The following COLGALT2 variants were observed in gnomAD, a reference collection of about 807,000 sequenced individuals.
COLGALT2 encodes the protein procollagen galactosyltransferase 2.
Under a neutral mutation model 73.4 loss-of-function variants are expected in COLGALT2, and 49 were observed. That is an observed-to-expected ratio of 0.67 (90% CI 0.53 to 0.85). COLGALT2 has a LOEUF of 0.85. Ranked by LOEUF, COLGALT2 falls within the 40% of genes least tolerant of loss-of-function variation. The pLI, the probability that COLGALT2 is intolerant of heterozygous loss-of-function variation, is 0.00. For missense variants in COLGALT2, 722 were observed against 790.2 expected (o/e 0.91, Z 1.03); for synonymous variants, 295 against 307.6 (o/e 0.96, Z 0.43).
intron 11 of COLGALT2, 120 bp downstream of exon 11, chr1:183,940,461 G>A (rs1287261739): frequency 1.1e-6 from 1 of 918,924 alleles, no homozygotes; most frequent in Non-Finnish European, 1.7e-6. Context: ...TCATAATTAT[G>A]AGAAGATCAT....
Position 183,976,274 on chromosome 1 carries a change from C to T in COLGALT2, c.375-1060G>A, listed in dbSNP as rs188037622. Among the ~76,000 whole-genome samples the T allele has an allele frequency of 1.2e-3, 184 of 151,804 alleles. 1 individual carries two copies. The highest frequency in any genetic ancestry group is 3.1e-3 in the African/African-American group (130 of 41,482). ...CTAAAGGAGTGTTTACAATCTTTTA[C>T]GGTGTTCAGACTTCACTGTTAAATT... On this transcript the variant is annotated intron_variant, in intron 2 of 11. Transcript: ENST00000361927.
intron 5 of COLGALT2, among the ~76,000 whole-genome samples, chr1:183,968,385 G>A (rs1343501718): frequency 6.6e-6 from 1 of 152,148 alleles, no homozygotes; most frequent in Admixed American, 6.5e-5. Context: ...TTTCCTTCCT[G>A]TTGACTTGTC....
intron 1 of COLGALT2, among the ~76,000 whole-genome samples, chr1:183,993,109 T>C (rs1671673687): frequency 6.6e-6 from 1 of 152,218 alleles, no homozygotes; most frequent in African/African-American, 2.4e-5. Context: ...ACATGTATTT[T>C]TCACCAGTAA....
intron 1 of COLGALT2, among the ~76,000 whole-genome samples, chr1:184,031,639 T>C (rs888590554): frequency 9.2e-5 from 14 of 152,352 alleles, no homozygotes; most frequent in African/African-American, 3.4e-4. Context: ...GGTCACATCC[T>C]GGCTCCACCA....
rs1280949111 is a variant in COLGALT2 at position 183,937,053 on chromosome 1, T to C, written c.*1708A>G. On this transcript the variant is annotated 3_prime_UTR_variant, in exon 12 of 12. Coordinates refer to ENST00000361927, the MANE Select transcript of COLGALT2 (RefSeq NM_015101.4). ...TGTTCAACCTTAATGTGGCAATCAGTATCACATGGGCAGTGAACTGAAGAA... is the reference window on the plus strand; with the variant it reads ...TGTTCAACCTTAATGTGGCAATCAGCATCACATGGGCAGTGAACTGAAGAA... 9.7e-6 allele frequency: 12 copies of C among 1,231,642 alleles called. No homozygotes were observed. Among genetic ancestry groups the C allele is most frequent in the African/African-American group, 1.5e-5 (1 of 64,524 alleles). 76.3% of individuals were successfully genotyped at this position (1,231,642 alleles called of 1,614,324 possible).
At chr1:183,965,873 A>G (rs1009601597) in intron 5 of COLGALT2, among the ~76,000 whole-genome samples, 5 of 152,258 alleles carry the variant, frequency 3.3e-5, no homozygotes, top group Non-Finnish European at 7.3e-5. Context: ...AACACTGACC[A>G]TCAATCTGTT....
chr1:183,990,770 G>A (rs1482700052), intron 1 of COLGALT2, among the ~76,000 whole-genome samples: 1 of 152,240 alleles, frequency 6.6e-6, no homozygotes, highest in African/African-American at 2.4e-5. Flanking sequence ...TGTTGGGCTA[G>A]GACTTACAAG....
chr1:183,959,150 C>T (rs562214041), intron 6 of COLGALT2, among the ~76,000 whole-genome samples: 1 of 152,260 alleles, frequency 6.6e-6, no homozygotes, highest in Non-Finnish European at 1.5e-5. Context: ...TCTTGAAACA[C>T]TTCTCAATTT....
chr1:184,025,083 C>G (rs1292999556), intron 1 of COLGALT2, among the ~76,000 whole-genome samples: 1 of 152,232 alleles, frequency 6.6e-6, no homozygotes, highest in East Asian at 1.9e-4. Context: ...GGTATTCGCA[C>G]AGGCGTTATG....
chr1:184,000,754 T>C lies in COLGALT2; in HGVS notation c.264-22234A>G, dbSNP rs141968181. Among the ~76,000 whole-genome samples, 327 of 152,168 alleles carry C rather than the reference T, an allele frequency of 2.1e-3. 1 individual carries two copies. The highest frequency in any genetic ancestry group is 7.4e-3 in the African/African-American group (306 of 41,518). On this transcript the variant is annotated intron_variant, in intron 1 of 11. Coordinates refer to ENST00000361927, the MANE Select transcript of COLGALT2 (RefSeq NM_015101.4). The stretch of plus-strand genomic sequence containing the variant: ...TTTGTTTATCTGAAAATGTCTCCAA[T>C]TGACTCTCCTTATTGAAAGGAAGTG...
rs772233238 is a variant in COLGALT2 at position 184,037,083 on chromosome 1, G to A, written c.263+12C>T. On this transcript the variant is annotated intron_variant, in intron 1 of 11. Coordinates refer to ENST00000361927, the MANE Select transcript of COLGALT2 (RefSeq NM_015101.4). ...GTCCCGCCGCGGCGGCCCGGGGCCC[G>A]TGCGCGCTCACCAGATGGCCATCCT... The A allele has an allele frequency of 2.6e-6, 4 of 1,549,730 alleles. No homozygotes were observed. Among genetic ancestry groups the A allele is most frequent in the African/African-American group, 1.4e-5 (1 of 70,268 alleles).
chr1:184,029,890 G>C (rs530977200), intron 1 of COLGALT2, among the ~76,000 whole-genome samples: 3 of 152,298 alleles, frequency 2.0e-5, no homozygotes, highest in East Asian at 3.9e-4. Context: ...ATGGGATAGA[G>C]AGATGGATTT....
chr1:183,989,704 C>A (rs1464377250), intron 1 of COLGALT2, among the ~76,000 whole-genome samples: 1 of 152,218 alleles, frequency 6.6e-6, no homozygotes, highest in Non-Finnish European at 1.5e-5. Context: ...TTGCTAACGA[C>A]ATCCTTAATC....
In COLGALT2 at chr1:183,936,938, G is replaced by C; in HGVS notation, c.*1823C>G. 1 of 1,231,734 alleles carries C rather than the reference G, an allele frequency of 8.1e-7. No individual in the cohort carries two copies. The highest frequency in any genetic ancestry group is 1.0e-6 in the Non-Finnish European group (1 of 987,996). The allele number at this position is 1,231,734 out of a possible 1,614,324, so 76.3% of individuals were successfully genotyped here. ...GCCTCTTGTCCTAAAGTGGGGACCCGCCCCTCACCTGGGGAGATGAGGCTG... is the reference window on the plus strand; with the variant it reads ...GCCTCTTGTCCTAAAGTGGGGACCCCCCCCTCACCTGGGGAGATGAGGCTG... On this transcript the variant is annotated 3_prime_UTR_variant, in exon 12 of 12. Transcript: ENST00000361927.
intron 1 of COLGALT2, among the ~76,000 whole-genome samples, chr1:184,013,944 C>T (rs1648906759): frequency 1.3e-5 from 2 of 152,040 alleles, no homozygotes; most frequent in Admixed American, 1.3e-4. Context: ...TGGGCAAATG[C>T]TTGCATGGCG....
At chr1:184,024,448 G>T (rs895503449) in intron 1 of COLGALT2, among the ~76,000 whole-genome samples, 6 of 151,568 alleles carry the variant, frequency 4.0e-5, no homozygotes, top group African/African-American at 1.5e-4. Context: ...CATCTCCTGG[G>T]TTCAAGTGAT....
At chr1:184,035,710 C>G (rs1334592603) in intron 1 of COLGALT2, among the ~76,000 whole-genome samples, 1 of 152,082 alleles carries the variant, frequency 6.6e-6, no homozygotes, top group Non-Finnish European at 1.5e-5. Context: ...TTTAAAATAT[C>G]TCTTAAAAAA....
chr1:184,020,173 T>C (rs962259209), intron 1 of COLGALT2, among the ~76,000 whole-genome samples: 8 of 152,144 alleles, frequency 5.3e-5, no homozygotes, highest in Admixed American at 1.3e-4. Flanking sequence ...GACACTGCCA[T>C]TGATGACAGA....
At chr1:183,997,387 C>T (rs1331691133) in intron 1 of COLGALT2, among the ~76,000 whole-genome samples, 2 of 152,102 alleles carry the variant, frequency 1.3e-5, no homozygotes, top group Non-Finnish European at 2.9e-5. Flanking sequence ...TTGTGCCTTC[C>T]CTAGTTACTC....
Sources: gnomAD v4.1 joint callset for allele counts (sites outside exome capture counted in the v4.1 genomes callset) on GRCh38, gnomAD v4.1.1 for gene constraint, MANE v1.5 for transcripts, NCBI Gene and HGNC (gene_info 2026-07-23, HGNC 2026-07-21) for gene names.